PEBP4: variants seen among roughly 807,000 people sequenced by gnomAD.
PEBP4 encodes the protein phosphatidylethanolamine binding protein 4.
PEBP4 carries 22 observed loss-of-function variants against 23.9 expected under a neutral mutation model. The observed-to-expected ratio is 0.92, with a 90% CI of 0.66 to 1.31. PEBP4 has a LOEUF of 1.31. PEBP4 is among the 40% of genes most tolerant of loss of function. The pLI, the probability that PEBP4 is intolerant of heterozygous loss-of-function variation, is 0.00. For synonymous variants in PEBP4, 112 were observed against 99.3 expected (o/e 1.13, Z -0.76); for missense variants, 324 against 281.7 (o/e 1.15, Z -1.07).
rs185819114 is a variant in PEBP4 at position 22,734,220 on chromosome 8, C to T, written c.358-7000G>A. ...TCTGAGGTCCCCAGGGGCCGCCTAA[C>T]GCCAGCCTAGAGAAGACCCAGCTCT... is the stretch of plus-strand genomic sequence containing the variant. On this transcript the variant is annotated intron_variant, in intron 4 of 6. Transcript: ENST00000256404. Among the ~76,000 whole-genome samples, 814 of 152,322 alleles carry T rather than the reference C, an allele frequency of 5.3e-3. 5 individuals are homozygous for T. Among genetic ancestry groups the T allele is most frequent in the Non-Finnish European group, 8.4e-3 (573 of 68,024 alleles).
chr8:22,733,503 TCCCAGCAGGGATGCTGGC>T (rs1264483121), intron 4 of PEBP4, among the ~76,000 whole-genome samples: 1 of 151,898 alleles, frequency 6.6e-6, no homozygotes, highest in Non-Finnish European at 1.5e-5. Context: ...TCACTGCTGG[TCCCAGCAGGGATGCTGGC>T]CCAGTTCCCT....
At chr8:22,922,014 ATTG>A (rs1244453795) in intron 2 of PEBP4, among the ~76,000 whole-genome samples, 3 of 152,218 alleles carry the variant, frequency 2.0e-5, no homozygotes, top group South Asian at 2.1e-4. Context: ...TCAGAGTGGA[ATTG>A]TTGTAAATAT....
intron 1 of PEBP4, among the ~76,000 whole-genome samples, chr8:22,934,678 TGCAAGCAA>T (rs952982027): frequency 2.0e-5 from 3 of 151,794 alleles, no homozygotes; most frequent in East Asian, 1.9e-4. Flanking sequence ...CTCTTAAGAA[TGCAAGCAA>T]GCAAGCAAGC....
intron 3 of PEBP4, among the ~76,000 whole-genome samples, chr8:22,833,298 A>T (rs1171686130): frequency 6.6e-6 from 1 of 152,176 alleles, no homozygotes; most frequent in East Asian, 1.9e-4. Flanking sequence ...TCTGGAGTCT[A>T]CAGGAAACTG....
At chr8:22,848,874 C>T (rs73215078) in intron 3 of PEBP4, among the ~76,000 whole-genome samples, 19,331 of 152,224 alleles carry the variant, frequency 0.13, 1,435 homozygotes, top group Middle Eastern at 0.22. Flanking sequence ...GACAAACGTA[C>T]ACTGTCTAGT....
intron 4 of PEBP4, among the ~76,000 whole-genome samples, chr8:22,789,696 G>T (rs1160333394): frequency 1.3e-5 from 2 of 152,136 alleles, no homozygotes; most frequent in Non-Finnish European, 2.9e-5. Context: ...TCAGTCTCTG[G>T]GTGGCCCAGA....
intron 4 of PEBP4, among the ~76,000 whole-genome samples, chr8:22,728,563 C>CTTTCTTTCTTTCTTTCTTTCTTT (rs1554478841): frequency 4.3e-5 from 3 of 69,302 alleles, no homozygotes; most frequent in African/African-American, 1.6e-4. Context: ...TTTCTTTCTT[C>CTTTCTTTCTTTCTTTCTTTCTTT]CTTCCTTCCT....
At chr8:22,738,732 T>C (rs1804924569) in intron 4 of PEBP4, among the ~76,000 whole-genome samples, 1 of 152,192 alleles carries the variant, frequency 6.6e-6, no homozygotes, top group South Asian at 2.1e-4. Flanking sequence ...ATACTTGTAG[T>C]ATGCTCACAC....
At chr8:22,750,147 G>T (rs1052595134) in intron 4 of PEBP4, among the ~76,000 whole-genome samples, 18 of 147,444 alleles carry the variant, frequency 1.2e-4, no homozygotes, top group Non-Finnish European at 1.8e-4. Context: ...CATTGCCCAG[G>T]CTGGAGTGCA....
At chr8:22,834,159 C>G (rs1480511482) in intron 3 of PEBP4, among the ~76,000 whole-genome samples, 2 of 152,250 alleles carry the variant, frequency 1.3e-5, no homozygotes, top group African/African-American at 4.8e-5. Context: ...TGCGCTCCCA[C>G]TATTCGTGAT....
intron 3 of PEBP4, among the ~76,000 whole-genome samples, chr8:22,904,928 C>T (rs983848345): frequency 6.6e-6 from 1 of 152,102 alleles, no homozygotes; most frequent in Non-Finnish European, 1.5e-5. Context: ...TTAAATAATA[C>T]TACAATGAAC....
At chr8:22,806,775 C>T (rs1177199455) in intron 4 of PEBP4, among the ~76,000 whole-genome samples, 1 of 152,198 alleles carries the variant, frequency 6.6e-6, no homozygotes, top group Non-Finnish European at 1.5e-5. Context: ...CCACAACAGT[C>T]ATTGAAGCAA....
At chr8:22,765,467 A>T (rs1563209283) in intron 4 of PEBP4, among the ~76,000 whole-genome samples, 1 of 152,172 alleles carries the variant, frequency 6.6e-6, no homozygotes, top group African/African-American at 2.4e-5. Context: ...TCTTAGAAAC[A>T]CCTTCTCTTA....
intron 3 of PEBP4, among the ~76,000 whole-genome samples, chr8:22,905,387 C>T (rs752386415): frequency 1.3e-5 from 2 of 151,814 alleles, no homozygotes; most frequent in African/African-American, 4.8e-5. Flanking sequence ...TATGTTCTCT[C>T]GGTTTGTCGT....
At chr8:22,746,240 T>A (rs1585250003) in intron 4 of PEBP4, among the ~76,000 whole-genome samples, 1 of 152,182 alleles carries the variant, frequency 6.6e-6, no homozygotes. Context: ...AATGTCTCTC[T>A]GTGAATCCAG....
chr8:22,832,380 T>C (rs551561362), intron 3 of PEBP4, among the ~76,000 whole-genome samples: 1 of 152,246 alleles, frequency 6.6e-6, no homozygotes, highest in South Asian at 2.1e-4. Flanking sequence ...GCACCCACAG[T>C]GAGAAGGCTA....
chr8:22,932,743 G>A (rs892771545), upstream of PEBP4, among the ~76,000 whole-genome samples: 4 of 152,122 alleles, frequency 2.6e-5, no homozygotes, highest in African/African-American at 9.7e-5. Context: ...GGTGGCTCAT[G>A]CCTGTAATCC....
At chr8:22,718,543 T>C (rs1804457179) in intron 6 of PEBP4, among the ~76,000 whole-genome samples, 1 of 152,208 alleles carries the variant, frequency 6.6e-6, no homozygotes, top group Non-Finnish European at 1.5e-5. Flanking sequence ...GTTCCCAGCC[T>C]GGGTGCCTGT....
intron 6 of PEBP4, among the ~76,000 whole-genome samples, chr8:22,715,465 G>A (rs1804397263): frequency 6.6e-6 from 1 of 152,236 alleles, no homozygotes; most frequent in Non-Finnish European, 1.5e-5. Flanking sequence ...GGGCTTATGG[G>A]TGAATTGGTG....
Sources: allele counts gnomAD v4.1 joint callset (sites outside exome capture counted in the v4.1 genomes callset), GRCh38; gene constraint gnomAD v4.1.1; transcripts MANE v1.5; gene names NCBI Gene and HGNC (gene_info 2026-07-23, HGNC 2026-07-21).